The following NEK7 variants were observed in gnomAD, a reference collection of about 807,000 sequenced individuals.
The protein encoded by NEK7 is serine/threonine-protein kinase Nek7.
Under a neutral mutation model 44.6 loss-of-function variants are expected in NEK7, and 18 were observed. The ratio of observed to expected loss-of-function variants is 0.40; its 90% CI spans 0.28 to 0.60. The LOEUF is 0.60. Among genes scored for constraint, NEK7 ranks in the 20% least tolerant of loss-of-function variants. NEK7 has a pLI of 0.38. For synonymous variants in NEK7, 130 were observed against 121.1 expected, an observed-to-expected ratio of 1.07 and a Z score of -0.48; for missense variants, 256 against 366.5, an observed-to-expected ratio of 0.70 and a Z score of 2.46.
At chr1:198,241,981 C>G (rs1360693251) in intron 2 of NEK7, among the ~76,000 whole-genome samples, 1 of 152,104 alleles carries the variant, frequency 6.6e-6, no homozygotes, top group African/African-American at 2.4e-5. Flanking sequence ...TATTTTCTGC[C>G]TAGATGGCTT....
At chr1:198,177,288 A>G (rs1270670679) in intron 1 of NEK7, among the ~76,000 whole-genome samples, 2 of 152,144 alleles carry the variant, frequency 1.3e-5, no homozygotes, top group East Asian at 3.9e-4. Flanking sequence ...TTCAGCCAAG[A>G]ATTGGAAGGG....
intron 8 of NEK7, among the ~76,000 whole-genome samples, chr1:198,295,391 A>G (rs1189052713): frequency 2.0e-5 from 3 of 152,150 alleles, no homozygotes; most frequent in Admixed American, 2.0e-4. Flanking sequence ...GGAGTAAGTC[A>G]ATCATTCTAG....
Position 198,167,234 on chromosome 1 carries a change from A to G in NEK7, c.-29+9958A>G, listed in dbSNP as rs193083380. Among the ~76,000 whole-genome samples the G allele has an allele frequency of 2.6e-5, 4 of 152,294 alleles. No individual in the cohort carries two copies. In the East Asian group the frequency reaches 7.7e-4, roughly 29 times the overall value. The stretch of plus-strand genomic sequence containing the variant: ...TGTTTTCGCTTGTGTCTCTTCTCAT[A>G]AGGACATCCTCATGACCTCACCTTT... On this transcript the variant is annotated intron_variant, in intron 1 of 9. Coordinates refer to ENST00000367385, the MANE Select transcript of NEK7 (RefSeq NM_133494.3).
intron 1 of NEK7, among the ~76,000 whole-genome samples, chr1:198,173,845 T>G (rs1664524171): frequency 6.6e-6 from 1 of 152,168 alleles, no homozygotes; most frequent in South Asian, 2.1e-4. Context: ...CAGCATAACA[T>G]TATGTTATTC....
At chr1:198,204,860 TA>T (rs1390414163) in intron 1 of NEK7, among the ~76,000 whole-genome samples, 3 of 152,000 alleles carry the variant, frequency 2.0e-5, no homozygotes, top group Non-Finnish European at 4.4e-5. Flanking sequence ...ATCTGTTTTT[TA>T]AAAAAAAGGA....
intron 1 of NEK7, among the ~76,000 whole-genome samples, chr1:198,173,662 G>A (rs934532345): frequency 8.7e-6 from 1 of 114,984 alleles, no homozygotes; most frequent in African/African-American, 3.4e-5. Context: ...TTGGAATATG[G>A]ATTTTCACAG....
At chr1:198,309,625 G>C (rs897453572) in intron 9 of NEK7, among the ~76,000 whole-genome samples, 6 of 149,090 alleles carry the variant, frequency 4.0e-5, no homozygotes, top group Non-Finnish European at 8.9e-5. Context: ...CCCAGAGTGT[G>C]ATGTTCCCCT....
intron 9 of NEK7, among the ~76,000 whole-genome samples, chr1:198,317,717 C>CT (rs1655409893): frequency 6.6e-6 from 1 of 152,008 alleles, no homozygotes; most frequent in Admixed American, 6.6e-5. Flanking sequence ...CCATGGTTAT[C>CT]TTTTCCTGCT....
At chr1:198,196,319 A>C (rs1665235530) in intron 1 of NEK7, among the ~76,000 whole-genome samples, 1 of 152,206 alleles carries the variant, frequency 6.6e-6, no homozygotes, top group South Asian at 2.1e-4. Context: ...ATGTTTCTGT[A>C]AATTATCTGT....
chr1:198,246,863 A>G (rs1278819450), intron 2 of NEK7, among the ~76,000 whole-genome samples: 1 of 152,262 alleles, frequency 6.6e-6, no homozygotes, highest in Non-Finnish European at 1.5e-5. Flanking sequence ...ATTAAGTGAA[A>G]GAATGGTCTC....
chr1:198,310,286 G>C (rs1655138424), intron 9 of NEK7, among the ~76,000 whole-genome samples: 1 of 151,944 alleles, frequency 6.6e-6, no homozygotes, highest in African/African-American at 2.4e-5. Flanking sequence ...CTTTTTGATG[G>C]CGTTGTTTGT....
intron 1 of NEK7, among the ~76,000 whole-genome samples, chr1:198,173,963 G>C (rs1170167488): frequency 1.3e-5 from 2 of 152,086 alleles, no homozygotes; most frequent in Admixed American, 6.5e-5. Context: ...GTTTATGTTT[G>C]TTAAAAGACA....
At chr1:198,167,515 A>G (rs1317305127) in intron 1 of NEK7, among the ~76,000 whole-genome samples, 2 of 152,170 alleles carry the variant, frequency 1.3e-5, no homozygotes, top group African/African-American at 2.4e-5. Flanking sequence ...TAGTACATCT[A>G]AGTGTTAGTT....
intron 9 of NEK7, among the ~76,000 whole-genome samples, chr1:198,309,109 G>A (rs1571620550): frequency 6.6e-6 from 1 of 152,172 alleles, no homozygotes; most frequent in African/African-American, 2.4e-5. Flanking sequence ...GGGCCAAGTA[G>A]AACAGAGTTA....
At chr1:198,304,164 A>G (rs1224389535) in intron 9 of NEK7, among the ~76,000 whole-genome samples, 3 of 152,298 alleles carry the variant, frequency 2.0e-5, no homozygotes, top group African/African-American at 7.2e-5. Flanking sequence ...ACGGTGTCCT[A>G]TATTTCACAT....
chr1:198,208,578 A>G (rs1006008267), intron 1 of NEK7: 3 of 152,038 alleles, frequency 2.0e-5, no homozygotes, highest in East Asian at 1.9e-4. Context: ...GTGTCTCCCT[A>G]TGTCGCCCAG....
At chr1:198,160,995 A>G (rs757938360) in intron 1 of NEK7, among the ~76,000 whole-genome samples, 3 of 152,212 alleles carry the variant, frequency 2.0e-5, no homozygotes, top group Non-Finnish European at 2.9e-5. Flanking sequence ...ATTCCTTAAT[A>G]TTTTTGAGCA....
intron 2 of NEK7, among the ~76,000 whole-genome samples, chr1:198,243,175 A>G (rs1343850358): frequency 6.6e-6 from 1 of 152,166 alleles, no homozygotes; most frequent in Non-Finnish European, 1.5e-5. Context: ...ATCCTCAGCA[A>G]GATCATCCCT....
At chr1:198,225,839 G>T (rs1666205701) in intron 1 of NEK7, among the ~76,000 whole-genome samples, 2 of 151,926 alleles carry the variant, frequency 1.3e-5, no homozygotes, top group South Asian at 4.2e-4. Context: ...TCTTTGGGGA[G>T]TTTTTTTTGT....
Sources: gnomAD v4.1 joint callset for allele counts (sites outside exome capture counted in the v4.1 genomes callset) on GRCh38, gnomAD v4.1.1 for gene constraint, MANE v1.5 for transcripts, NCBI Gene and HGNC (gene_info 2026-07-23, HGNC 2026-07-21) for gene names.